REEP1: variants seen among roughly 807,000 people sequenced by gnomAD.
REEP1 encodes the protein receptor expression-enhancing protein 1.
REEP1 carries 22 observed loss-of-function variants against 40.3 expected under a neutral mutation model. The observed-to-expected ratio is 0.55, with a 90% CI of 0.39 to 0.78. REEP1 has a LOEUF of 0.78. Ranked by LOEUF, REEP1 falls within the 30% of genes least tolerant of loss-of-function variation. The pLI, the probability that REEP1 is intolerant of heterozygous loss-of-function variation, is 0.00. For synonymous variants in REEP1, 116 were observed against 139.2 expected (o/e 0.83, Z 1.17); for missense variants, 280 against 361.1 (o/e 0.78, Z 1.82).
At chr2:86,268,902 C>G (rs1233129198) in intron 2 of REEP1, among the ~76,000 whole-genome samples, 1 of 152,094 alleles carries the variant, frequency 6.6e-6, no homozygotes, top group Admixed American at 6.6e-5. Flanking sequence ...ACAAATGATG[C>G]TGGGAAAACT....
At chr2:86,229,034 A>G (rs1674872131) in intron 6 of REEP1, among the ~76,000 whole-genome samples, 2 of 152,234 alleles carry the variant, frequency 1.3e-5, no homozygotes, top group Admixed American at 6.5e-5. Flanking sequence ...CAGCAGCTGC[A>G]GAGAATTCCA....
intron 1 of REEP1, among the ~76,000 whole-genome samples, chr2:86,327,012 A>G (rs562641893): frequency 2.0e-5 from 3 of 152,306 alleles, no homozygotes; most frequent in African/African-American, 7.2e-5. Flanking sequence ...CAGATCACCT[A>G]TCTCTGTGGG....
intron 5 of REEP1, among the ~76,000 whole-genome samples, chr2:86,235,421 A>T (rs1436132255): frequency 6.6e-6 from 1 of 152,228 alleles, no homozygotes; most frequent in Admixed American, 6.5e-5. Context: ...TACCCATCAC[A>T]TAGCCCATTG....
At chr2:86,244,657 G>T (rs948399674) in intron 5 of REEP1, among the ~76,000 whole-genome samples, 1 of 152,134 alleles carries the variant, frequency 6.6e-6, no homozygotes, top group Non-Finnish European at 1.5e-5. Flanking sequence ...ATATACAGAG[G>T]CCCCAAGGAG....
intron 1 of REEP1, among the ~76,000 whole-genome samples, chr2:86,292,948 G>A (rs1678802014): frequency 6.6e-6 from 1 of 152,184 alleles, no homozygotes; most frequent in Non-Finnish European, 1.5e-5. Context: ...ATGGGAACAG[G>A]ACAAACCTTT....
chr2:86,261,829 G>T (rs986610196), intron 3 of REEP1, among the ~76,000 whole-genome samples: 1 of 152,248 alleles, frequency 6.6e-6, no homozygotes, highest in African/African-American at 2.4e-5. Context: ...GAATGTCTCG[G>T]TATAAAACCC....
At chr2:86,322,412 G>A (rs1680308836) in intron 1 of REEP1, among the ~76,000 whole-genome samples, 1 of 152,140 alleles carries the variant, frequency 6.6e-6, no homozygotes, top group East Asian at 1.9e-4. Flanking sequence ...ACAGAGTCTT[G>A]CTCTGTCACC....
intron 3 of REEP1, among the ~76,000 whole-genome samples, chr2:86,259,611 C>T (rs1427305356): frequency 1.3e-5 from 2 of 151,978 alleles, no homozygotes; most frequent in Non-Finnish European, 2.9e-5. Context: ...TGGTCTCGAA[C>T]TCCTGGCCTC....
chr2:86,231,570 G>GCACCTTACAGCA (rs150056513), intron 6 of REEP1, among the ~76,000 whole-genome samples: 5,315 of 152,336 alleles, frequency 0.035, 128 homozygotes, highest in East Asian at 0.074. Context: ...CCTGCAGGCT[G>GCACCTTACAGCA]CATAGTCACA....
At chr2:86,298,055 G>T (rs1479533850) in intron 1 of REEP1, among the ~76,000 whole-genome samples, 2 of 152,182 alleles carry the variant, frequency 1.3e-5, no homozygotes, top group African/African-American at 4.8e-5. Flanking sequence ...GATAACCACA[G>T]TAACTAACTA....
At chr2:86,316,596 T>C (rs200334798) in intron 1 of REEP1, among the ~76,000 whole-genome samples, 21 of 142,444 alleles carry the variant, frequency 1.5e-4, no homozygotes, top group Non-Finnish European at 2.3e-4. Flanking sequence ...TGGTGGCTCA[T>C]GCCTGTAATC....
At chr2:86,322,277 C>A (rs1479991835) in intron 1 of REEP1, among the ~76,000 whole-genome samples, 1 of 152,118 alleles carries the variant, frequency 6.6e-6, no homozygotes, top group Non-Finnish European at 1.5e-5. Flanking sequence ...GGCATGGTGG[C>A]TCATGTTGGT....
intron 2 of REEP1, among the ~76,000 whole-genome samples, chr2:86,280,955 A>G (rs1262798618): frequency 6.6e-6 from 1 of 152,224 alleles, no homozygotes; most frequent in Non-Finnish European, 1.5e-5. Flanking sequence ...AAAGAGGCAA[A>G]GGCATGGCTA....
intron 6 of REEP1, among the ~76,000 whole-genome samples, chr2:86,231,247 C>CG (rs1486714913): frequency 6.6e-6 from 1 of 152,114 alleles, no homozygotes; most frequent in Non-Finnish European, 1.5e-5. Context: ...GGGGGTCCCT[C>CG]GGGGGGTAAC....
chr2:86,226,292 C>G (rs1368899793), intron 7 of REEP1, among the ~76,000 whole-genome samples: 1 of 152,016 alleles, frequency 6.6e-6, no homozygotes, highest in African/African-American at 2.4e-5. Flanking sequence ...GTGATTCACG[C>G]AAAGTTGCAC....
At chr2:86,268,478 CA>C (rs1174786850) in intron 2 of REEP1, among the ~76,000 whole-genome samples, 3 of 152,032 alleles carry the variant, frequency 2.0e-5, no homozygotes, top group Non-Finnish European at 4.4e-5. Context: ...TGATAGAAAT[CA>C]AAGATCTAAA....
intron 6 of REEP1, among the ~76,000 whole-genome samples, chr2:86,230,569 T>G (rs2104031724): frequency 6.6e-6 from 1 of 152,258 alleles, no homozygotes; most frequent in East Asian, 1.9e-4. Flanking sequence ...CCTCACTACC[T>G]CCCAAGATGG....
chr2:86,312,538 T>C (rs550207871), intron 1 of REEP1, among the ~76,000 whole-genome samples: 5 of 152,286 alleles, frequency 3.3e-5, no homozygotes, highest in Non-Finnish European at 5.9e-5. Context: ...GGCTCTAATA[T>C]GTAATGTTTA....
Position 86,286,898 on chromosome 2 carries a change from T to C in REEP1, c.33-4656A>G, listed in dbSNP as rs7587576. 8.3e-3 allele frequency among the ~76,000 whole-genome samples: 1,261 copies of C among 152,298 alleles called. 13 individuals are homozygous for C. Among genetic ancestry groups the C allele is most frequent in the African/African-American group, 0.029 (1,186 of 41,550 alleles). On this transcript the variant is annotated intron_variant, in intron 1 of 8. Coordinates refer to ENST00000538924, the MANE Select transcript of REEP1 (RefSeq NM_001371279.1). ...AAAATTTAAAAATCAATGCTGGCAA[T>C]ATATTTTTCTAAGATTAATTTTTTA...
Sources: gnomAD v4.1 joint callset for allele counts (sites outside exome capture counted in the v4.1 genomes callset) on GRCh38, gnomAD v4.1.1 for gene constraint, MANE v1.5 for transcripts, NCBI Gene and HGNC (gene_info 2026-07-23, HGNC 2026-07-21) for gene names.